The following RNF128 variants were observed in gnomAD, a reference collection of about 807,000 sequenced individuals.
RNF128 encodes E3 ubiquitin-protein ligase RNF128.
Under a neutral mutation model 26.2 loss-of-function variants are expected in RNF128, and 13 were observed. That is an observed-to-expected ratio of 0.50 (90% CI 0.32 to 0.79). The LOEUF (loss-of-function observed/expected upper bound fraction) is 0.79. RNF128 is among the 30% of genes least tolerant of loss of function. The probability of loss-of-function intolerance (pLI) is 0.03; values close to 1 mark genes in which losing one functional copy is unlikely to be tolerated. For missense variants in RNF128, 315 were observed against 349.7 expected (o/e 0.90, Z 0.79); for synonymous variants, 149 against 142.5 (o/e 1.05, Z -0.32).
intron 2 of RNF128, among the ~76,000 whole-genome samples, chrX:106,775,666 C>A (rs1165781967): frequency 1.8e-5 from 2 of 111,352 alleles, no homozygotes; most frequent in Non-Finnish European, 3.8e-5. Context: ...GCTAGAATGT[C>A]ATTTATATAT....
exon 1 of RNF128, chrX:106,693,869 T>A (rs933179593): frequency 2.0e-6 from 1 of 495,230 alleles, no homozygotes; most frequent in African/African-American, 2.4e-5. Flanking sequence ...GTTATGTTGC[T>A]AGAGGTGAGA....
upstream of RNF128, among the ~76,000 whole-genome samples, chrX:106,724,325 A>G (rs1929360784): frequency 9.0e-6 from 1 of 111,260 alleles, no homozygotes; most frequent in Non-Finnish European, 1.9e-5. Flanking sequence ...ACTGCCAACC[A>G]TCTTCTGTAT....
intron 1 of RNF128, among the ~76,000 whole-genome samples, chrX:106,735,507 C>A (rs961690909): frequency 9.0e-6 from 1 of 111,550 alleles, no homozygotes; most frequent in African/African-American, 3.3e-5. Context: ...AGTATTTGTT[C>A]TCTTCATTAT....
rs745995827 is a variant in RNF128 at position 106,699,381 on chromosome X, T to C, written c.406+4973T>C. Among the ~76,000 whole-genome samples the C allele has an allele frequency of 2.0e-4, 22 of 112,386 alleles. No homozygotes were observed. The East Asian group carries it at 5.9e-3, about 30-fold the overall frequency. Reference sequence around the variant, plus strand: ...ACAAAGAGAAATAAGCGCAAGCTTTTGTACTTGCTGCCTCCTCTGCCTGAG... The same window carrying C: ...ACAAAGAGAAATAAGCGCAAGCTTTCGTACTTGCTGCCTCCTCTGCCTGAG... On this transcript the variant is annotated intron_variant, in intron 1 of 6. Coordinates refer to the RNF128 transcript ENST00000324342.
Position 106,749,854 on chromosome X carries a change from G to A in RNF128, c.484+22457G>A, listed in dbSNP as rs1368815706. 4.6e-5 allele frequency among the ~76,000 whole-genome samples: 5 copies of A among 109,239 alleles called. No individual in the cohort carries two copies. The East Asian group carries it at 1.2e-3, about 25-fold the overall frequency. The allele number at this position is 109,239 out of a possible 115,157, so 94.9% of individuals were successfully genotyped here. A position where few individuals can be genotyped will look rare whatever the true frequency, so the allele number is the denominator to read the frequency against. ...TGGGAGGTGGAGACTGCAGTGAGCCGTGATCGTGCCACTGCACTCCAGCCT... is the reference window on the plus strand; with the variant it reads ...TGGGAGGTGGAGACTGCAGTGAGCCATGATCGTGCCACTGCACTCCAGCCT... On this transcript the variant is annotated intron_variant, in intron 1 of 6. Transcript: ENST00000255499.
chrX:106,761,413 C>A (rs1427628768), intron 1 of RNF128, among the ~76,000 whole-genome samples: 2 of 111,874 alleles, frequency 1.8e-5, no homozygotes, highest in Non-Finnish European at 3.8e-5. Context: ...TTTGACACAG[C>A]AATCCCATTA....
chrX:106,768,730 A>C (rs894107641), intron 1 of RNF128, among the ~76,000 whole-genome samples: 1 of 110,418 alleles, frequency 9.1e-6, no homozygotes, highest in Admixed American at 9.6e-5. Flanking sequence ...TTCTGCTCTG[A>C]TCTTAGTTAT....
chrX:106,735,697 C>A (rs976249147), intron 1 of RNF128, among the ~76,000 whole-genome samples: 1 of 111,770 alleles, frequency 8.9e-6, no homozygotes, highest in African/African-American at 3.2e-5. Flanking sequence ...AAATGATTTA[C>A]AAACTATTAT....
chrX:106,732,925 T>A (rs1929524900), intron 1 of RNF128, among the ~76,000 whole-genome samples: 1 of 111,192 alleles, frequency 9.0e-6, no homozygotes, highest in South Asian at 3.8e-4. Context: ...AAATCTTTTT[T>A]AAAAAAAGGA....
intron 4 of RNF128, among the ~76,000 whole-genome samples, chrX:106,789,126 A>G (rs1392531425): frequency 6.9e-5 from 6 of 87,426 alleles, no homozygotes; most frequent in Non-Finnish European, 1.3e-4. Flanking sequence ...TATACTATAT[A>G]CTATATAGTA....
At chrX:106,772,077 A>G (rs989441966) in intron 1 of RNF128, among the ~76,000 whole-genome samples, 2 of 112,188 alleles carry the variant, frequency 1.8e-5, no homozygotes, top group Non-Finnish European at 3.8e-5. Flanking sequence ...ATAAACCTTG[A>G]TAAGCATTGG....
At chrX:106,769,397 C>T (rs1930322779) in intron 1 of RNF128, among the ~76,000 whole-genome samples, 2 of 110,848 alleles carry the variant, frequency 1.8e-5, no homozygotes, top group East Asian at 2.8e-4. Context: ...TCTGGGTGCT[C>T]CTGTATTGGG....
chrX:106,770,745 T>G (rs1236922593), intron 1 of RNF128, among the ~76,000 whole-genome samples: 2 of 112,294 alleles, frequency 1.8e-5, no homozygotes, highest in Non-Finnish European at 3.8e-5. Context: ...TGAAGCCTTC[T>G]TCTCTCAACC....
At chrX:106,737,983 G>C (rs952639378) in intron 1 of RNF128, among the ~76,000 whole-genome samples, 1 of 111,914 alleles carries the variant, frequency 8.9e-6, no homozygotes, top group Non-Finnish European at 1.9e-5. Context: ...TGGCTAGTAA[G>C]ACAAAAGAAT....
chrX:106,775,480 A>G (rs1386984356), intron 2 of RNF128, among the ~76,000 whole-genome samples: 3 of 112,036 alleles, frequency 2.7e-5, no homozygotes, highest in Admixed American at 1.9e-4. Flanking sequence ...ACATCTTATG[A>G]TAATTAACCT....
upstream of RNF128, among the ~76,000 whole-genome samples, chrX:106,724,995 C>T (rs917589075): frequency 2.7e-5 from 3 of 112,262 alleles, no homozygotes; most frequent in African/African-American, 9.7e-5. Flanking sequence ...CTCTGAACTT[C>T]ATTTTTGTAG....
At chrX:106,734,758 A>T (rs1929562738) in intron 1 of RNF128, among the ~76,000 whole-genome samples, 3 of 112,147 alleles carry the variant, frequency 2.7e-5, no homozygotes, top group Admixed American at 9.5e-5. Context: ...TCACGCTCCA[A>T]TATGAAGAAT....
intron 1 of RNF128, among the ~76,000 whole-genome samples, chrX:106,700,513 T>C (rs772286563): frequency 7.2e-5 from 8 of 110,437 alleles, no homozygotes; most frequent in African/African-American, 2.7e-4. Flanking sequence ...TGTGAAAAGA[T>C]GGACAAGTTG....
At chrX:106,719,107 C>T (rs193141321) in intron 1 of RNF128, among the ~76,000 whole-genome samples, 2 of 111,783 alleles carry the variant, frequency 1.8e-5, no homozygotes, top group African/African-American at 6.5e-5. Flanking sequence ...AGTAGAAGGA[C>T]GTTTATTCAT....
Sources: allele counts gnomAD v4.1 joint callset (sites outside exome capture counted in the v4.1 genomes callset), GRCh38; gene constraint gnomAD v4.1.1; transcripts MANE v1.5; gene names NCBI Gene and HGNC (gene_info 2026-07-23, HGNC 2026-07-21).